Variants in LUZP2 observed in about 807,000 individuals in gnomAD.
The protein encoded by LUZP2 is leucine zipper protein 2.
Under a neutral mutation model 51.6 loss-of-function variants are expected in LUZP2, and 52 were observed. The ratio of observed to expected loss-of-function variants is 1.01; its 90% CI spans 0.81 to 1.27. LUZP2 has a LOEUF of 1.27. LUZP2 is among the 50% of genes most tolerant of loss of function. The probability of loss-of-function intolerance (pLI) is 0.00; values close to 1 mark genes in which losing one functional copy is unlikely to be tolerated. For missense variants in LUZP2, 436 were observed against 395.4 expected, an observed-to-expected ratio of 1.10 and a Z score of -0.87; for synonymous variants, 154 against 137.3, an observed-to-expected ratio of 1.12 and a Z score of -0.85.
chr11:24,995,214 T>A (rs1479617022), intron 9 of LUZP2, among the ~76,000 whole-genome samples: 1 of 151,972 alleles, frequency 6.6e-6, no homozygotes, highest in Non-Finnish European at 1.5e-5. Context: ...GCAACACGGC[T>A]CAATCCCATC....
intron 1 of LUZP2, among the ~76,000 whole-genome samples, chr11:24,586,209 C>T (rs1039569874): frequency 1.3e-5 from 2 of 152,052 alleles, no homozygotes; most frequent in South Asian, 2.1e-4. Flanking sequence ...CAATCATAGT[C>T]TGTAGAAACA....
At chr11:25,054,321 C>T (rs1355290535) in intron 10 of LUZP2, among the ~76,000 whole-genome samples, 2 of 152,146 alleles carry the variant, frequency 1.3e-5, no homozygotes, top group African/African-American at 4.8e-5. Flanking sequence ...AACACACAAG[C>T]TTTTATTTTC....
chr11:24,749,083 C>T (rs1284509818), intron 4 of LUZP2, among the ~76,000 whole-genome samples: 1 of 152,148 alleles, frequency 6.6e-6, no homozygotes, highest in African/African-American at 2.4e-5. Flanking sequence ...TGTACATAGC[C>T]ATACCCCCTT....
intron 9 of LUZP2, among the ~76,000 whole-genome samples, chr11:24,987,339 T>G (rs1380969225): frequency 1.3e-5 from 2 of 151,938 alleles, no homozygotes; most frequent in Non-Finnish European, 2.9e-5. Context: ...CATAAAAGTA[T>G]AGCAGAATCC....
At chr11:24,810,980 T>C (rs1174134333) in intron 5 of LUZP2, among the ~76,000 whole-genome samples, 1 of 152,166 alleles carries the variant, frequency 6.6e-6, no homozygotes, top group African/African-American at 2.4e-5. Flanking sequence ...TGGGAGTTCA[T>C]GACAAGTAGT....
intron 1 of LUZP2, among the ~76,000 whole-genome samples, chr11:24,626,454 A>G (rs1590261088): frequency 6.6e-6 from 1 of 152,192 alleles, no homozygotes; most frequent in African/African-American, 2.4e-5. Flanking sequence ...TTCACAGTGA[A>G]TCACAATTAC....
chr11:24,755,559 A>G (rs2134017344), intron 4 of LUZP2, among the ~76,000 whole-genome samples: 1 of 152,336 alleles, frequency 6.6e-6, no homozygotes, highest in East Asian at 1.9e-4. Flanking sequence ...TTCATAAACC[A>G]AAAATGAAAT....
At chr11:24,884,396 T>C (rs2134304059) in intron 5 of LUZP2, among the ~76,000 whole-genome samples, 1 of 152,144 alleles carries the variant, frequency 6.6e-6, no homozygotes, top group South Asian at 2.1e-4. Flanking sequence ...TACTGTAGAA[T>C]ACCTGGCACA....
chr11:24,803,049 C>A (rs1054120857), intron 5 of LUZP2, among the ~76,000 whole-genome samples: 1 of 151,964 alleles, frequency 6.6e-6, no homozygotes, highest in Non-Finnish European at 1.5e-5. Flanking sequence ...GACTAAGACA[C>A]ATCTCATATA....
intron 5 of LUZP2, among the ~76,000 whole-genome samples, chr11:24,897,803 T>G (rs535057218): frequency 6.6e-6 from 1 of 152,220 alleles, no homozygotes; most frequent in Non-Finnish European, 1.5e-5. Context: ...TGTCCTTTTT[T>G]TAATGGGGTT....
At chr11:24,941,414 A>G (rs1854742269) in intron 7 of LUZP2, among the ~76,000 whole-genome samples, 1 of 152,198 alleles carries the variant, frequency 6.6e-6, no homozygotes, top group Admixed American at 6.5e-5. Context: ...TAAAAAAGCA[A>G]AATTAGTCTG....
rs193223311 is a variant in LUZP2, at chr11:24,519,765, C to A, written c.62+22460C>A. On this transcript the variant is annotated intron_variant, in intron 1 of 11. Transcript: ENST00000336930. ...AATTATTGCCATGTCAATATAGTTG[C>A]ATTCTAATGATAATATGCATCTTTT... Among the ~76,000 whole-genome samples, 330 of 152,270 alleles carry A rather than the reference C, an allele frequency of 2.2e-3. 2 individuals carry two copies. The highest frequency in any genetic ancestry group is 7.7e-3 in the African/African-American group (319 of 41,568).
At chr11:25,042,652 G>T (rs1858105708) in intron 9 of LUZP2, among the ~76,000 whole-genome samples, 2 of 152,102 alleles carry the variant, frequency 1.3e-5, no homozygotes, top group Non-Finnish European at 2.9e-5. Context: ...AAATCTGCCA[G>T]GACTATACTT....
chr11:24,498,710 A>G (rs1564953467), intron 1 of LUZP2, among the ~76,000 whole-genome samples: 2 of 152,212 alleles, frequency 1.3e-5, no homozygotes, highest in African/African-American at 2.4e-5. Flanking sequence ...CAACAGTTCA[A>G]TACAAATTAT....
chr11:24,805,733 G>A (rs187474240), intron 5 of LUZP2, among the ~76,000 whole-genome samples: 4 of 152,202 alleles, frequency 2.6e-5, no homozygotes, highest in Admixed American at 2.6e-4. Context: ...TTTTAGGTTG[G>A]ATTTCCCCTG....
At chr11:25,044,249 GTGTGTGTGTATATATATATATATATA>G (rs1175918354) in intron 9 of LUZP2, among the ~76,000 whole-genome samples, 1 of 70,512 alleles carries the variant, frequency 1.4e-5, no homozygotes, top group African/African-American at 6.1e-5. Flanking sequence ...GTGTGTGTGT[GTGTGTGTGTATATATATATATATATA>G]TATATATATA....
rs569807382 is a variant in LUZP2, at chr11:24,926,901, C to A, written c.522+12363C>A. Among the ~76,000 whole-genome samples, 5 of 151,362 alleles carry A rather than the reference C, an allele frequency of 3.3e-5. No homozygotes were observed. In the South Asian group the frequency reaches 1.0e-3, roughly 32 times the overall value. On this transcript the variant is annotated intron_variant, in intron 7 of 11. Coordinates refer to ENST00000336930, the MANE Select transcript of LUZP2 (RefSeq NM_001009909.4). ...CTTTTCACCACATTCACACCAACAA[C>A]TATTTTTTTTTTATTTTTTGATTAT... is the stretch of plus-strand genomic sequence containing the variant.
chr11:24,929,391 T>C (rs943200305), intron 7 of LUZP2, among the ~76,000 whole-genome samples: 1 of 152,176 alleles, frequency 6.6e-6, no homozygotes, highest in Non-Finnish European at 1.5e-5. Context: ...GCCTTTGCTG[T>C]ATCCCAGAGG....
At chr11:24,693,626 C>T (rs1232342376) in intron 1 of LUZP2, among the ~76,000 whole-genome samples, 3 of 151,804 alleles carry the variant, frequency 2.0e-5, no homozygotes, top group Non-Finnish European at 4.4e-5. Context: ...AAACTATGCA[C>T]TTCATTTATT....
Sources: gnomAD v4.1 joint callset for allele counts (sites outside exome capture counted in the v4.1 genomes callset) on GRCh38, gnomAD v4.1.1 for gene constraint, MANE v1.5 for transcripts, NCBI Gene and HGNC (gene_info 2026-07-23, HGNC 2026-07-21) for gene names.